The following CSTPP1 variants were observed in gnomAD, a reference collection of about 807,000 sequenced individuals.
CSTPP1 encodes UPF0705 protein C11orf49.
the CSTPP1 span, among the ~76,000 whole-genome samples, chr11:47,101,860 T>A: frequency 6.6e-6 from 1 of 152,164 alleles, no homozygotes; most frequent in African/African-American, 2.4e-5. Context: ...AGACATCAGG[T>A]CTAGAAATCC....
the CSTPP1 span, among the ~76,000 whole-genome samples, chr11:47,020,719 A>C: frequency 6.6e-6 from 1 of 152,334 alleles, no homozygotes; most frequent in East Asian, 1.9e-4. Flanking sequence ...TTGTTTTGTA[A>C]CATACAAGAT....
the CSTPP1 span, among the ~76,000 whole-genome samples, chr11:47,050,152 A>C: frequency 6.6e-6 from 1 of 152,178 alleles, no homozygotes; most frequent in Non-Finnish European, 1.5e-5. Context: ...TAAAGCTGGT[A>C]TTGCAATATT....
At chr11:47,065,977 T>TTGTGTGTGTG in the CSTPP1 span, among the ~76,000 whole-genome samples, 9,635 of 145,992 alleles carry the variant, frequency 0.066, 375 homozygotes, top group Middle Eastern at 0.12. Context: ...GGTCTAACAG[T>TTGTGTGTGTG]TGTGTGTGTG....
chr11:46,996,033 G>C, the CSTPP1 span, among the ~76,000 whole-genome samples: 1 of 152,084 alleles, frequency 6.6e-6, no homozygotes, highest in South Asian at 2.1e-4. Flanking sequence ...ATTATGTAAT[G>C]GCCTTCTTTG....
At chr11:46,974,112 G>A in the CSTPP1 span, among the ~76,000 whole-genome samples, 373 of 152,272 alleles carry the variant, frequency 2.4e-3, 1 homozygote, top group African/African-American at 8.2e-3. Context: ...CACACCTGTA[G>A]TCCCAGCTAC....
the CSTPP1 span, among the ~76,000 whole-genome samples, chr11:47,013,393 T>G: frequency 6.6e-6 from 1 of 152,078 alleles, no homozygotes; most frequent in Non-Finnish European, 1.5e-5. Context: ...TTCCTAATAT[T>G]CTCCCTCCTG....
chr11:46,959,865 ATT>A, the CSTPP1 span, among the ~76,000 whole-genome samples: 20 of 134,010 alleles, frequency 1.5e-4, no homozygotes, highest in Non-Finnish European at 1.4e-4. Context: ...GGTTTAAATA[ATT>A]TTTTTTTTTT....
At chr11:47,003,001 A>AAGTC in the CSTPP1 span, among the ~76,000 whole-genome samples, 3 of 152,282 alleles carry the variant, frequency 2.0e-5, no homozygotes, top group South Asian at 6.2e-4. Flanking sequence ...TAGCAATGTA[A>AAGTC]AGTCAGTCAT....
chr11:47,012,571 A>G, the CSTPP1 span, among the ~76,000 whole-genome samples: 1 of 152,276 alleles, frequency 6.6e-6, no homozygotes, highest in Non-Finnish European at 1.5e-5. Flanking sequence ...GGGGAAAGGA[A>G]GAGAAAAAAG....
the CSTPP1 span, among the ~76,000 whole-genome samples, chr11:47,079,936 A>G: frequency 6.6e-6 from 1 of 151,906 alleles, no homozygotes; most frequent in Non-Finnish European, 1.5e-5. Context: ...TCTATTAAAA[A>G]TACAAAAAAA....
At chr11:46,952,899 T>C in the CSTPP1 span, among the ~76,000 whole-genome samples, 3 of 152,252 alleles carry the variant, frequency 2.0e-5, no homozygotes, top group African/African-American at 7.2e-5. Flanking sequence ...TTTATTTTTC[T>C]ATTGAGAGTT....
the CSTPP1 span, among the ~76,000 whole-genome samples, chr11:46,940,635 C>CTA: frequency 6.2e-3 from 948 of 151,850 alleles, 14 homozygotes; most frequent in African/African-American, 0.022. Context: ...TCTTTGAAAG[C>CTA]TATATATATA....
the CSTPP1 span, chr11:47,161,055 G>A: frequency 1.9e-6 from 3 of 1,590,140 alleles, no homozygotes; most frequent in South Asian, 2.2e-5. Context: ...GTGAAGGTGA[G>A]GGGCATGGAG....
the CSTPP1 span, among the ~76,000 whole-genome samples, chr11:47,084,600 C>T: frequency 6.6e-6 from 1 of 152,098 alleles, no homozygotes; most frequent in Admixed American, 6.5e-5. Flanking sequence ...TTTCCCCGCT[C>T]CCCTCATGGA....
the CSTPP1 span, among the ~76,000 whole-genome samples, chr11:47,113,668 A>C: frequency 6.6e-6 from 1 of 152,140 alleles, no homozygotes; most frequent in Non-Finnish European, 1.5e-5. Context: ...GTGTCTGTTC[A>C]TATCCTTTGC....
the CSTPP1 span, among the ~76,000 whole-genome samples, chr11:47,130,172 G>T: frequency 6.6e-6 from 1 of 151,682 alleles, no homozygotes; most frequent in Non-Finnish European, 1.5e-5. Flanking sequence ...TAGGAGACTC[G>T]CTTGAACTCG....
the CSTPP1 span, among the ~76,000 whole-genome samples, chr11:46,939,452 T>C: frequency 2.0e-5 from 3 of 152,124 alleles, no homozygotes; most frequent in East Asian, 5.8e-4. Context: ...TAAAAATTAA[T>C]TTTAAAATAT....
At chr11:47,076,018 T>C in the CSTPP1 span, among the ~76,000 whole-genome samples, 2 of 151,040 alleles carry the variant, frequency 1.3e-5, no homozygotes, top group Non-Finnish European at 2.9e-5. Flanking sequence ...GAGGATATAT[T>C]GAAAATCATT....
chr11:46,963,652 G>A, the CSTPP1 span, among the ~76,000 whole-genome samples: 6 of 151,920 alleles, frequency 3.9e-5, no homozygotes, highest in Non-Finnish European at 8.8e-5. Flanking sequence ...TGGGTGTGGT[G>A]CACACACCTG....
Sources: allele counts gnomAD v4.1 joint callset (sites outside exome capture counted in the v4.1 genomes callset), GRCh38; gene constraint gnomAD v4.1.1; transcripts MANE v1.5; gene names NCBI Gene and HGNC (gene_info 2026-07-23, HGNC 2026-07-21).